Variants in CECR2 observed in about 807,000 individuals in gnomAD.
CECR2 encodes chromatin remodeling regulator CECR2.
In CECR2, 30 loss-of-function variants were observed where a neutral mutation model predicts 154.5. That is an observed-to-expected ratio of 0.19 (90% CI 0.15 to 0.26). The LOEUF is 0.26. CECR2 is among the 10% of genes least tolerant of loss of function. The pLI, the probability that CECR2 is intolerant of heterozygous loss-of-function variation, is 1.00. For synonymous variants in CECR2, 725 were observed against 683.7 expected (o/e 1.06, Z -0.94); for missense variants, 1,743 against 1,829.3 (o/e 0.95, Z 0.86).
At chr22:17,369,205 C>G (rs1251018657), upstream of CECR2, among the ~76,000 whole-genome samples, 1 of 151,850 alleles carries the variant, frequency 6.6e-6, no homozygotes, top group Non-Finnish European at 1.5e-5. Context: ...AGTGCTTCAA[C>G]TCCCCAGTCC....
rs755911186 is a variant in CECR2, at chr22:17,540,505, T to C, written c.1589T>C (p.Phe530Ser). ...GAAGATGGAGACACAGATGAAGAAT[T>C]TTGGATTCGAGAGGATGAAAAGCGG... is the stretch of plus-strand genomic sequence containing the variant. ...PGEDGDTDEE[F>S]WIREDEKREK... is the part of the protein sequence containing the mutation. The change falls in exon 14 of 19, where the codon TTT becomes TCT. Residue 530 changes from phenylalanine (F) to serine (S), a missense_variant. Phe to Ser is a radical substitution (Grantham distance 155). This residue lies in a region of CECR2 where 103 missense variants were observed against 166.8 expected (regional missense o/e 0.62). Coordinates refer to ENST00000262608, the MANE Select transcript of CECR2 (RefSeq NM_001290047.2). 1.9e-6 allele frequency: 3 copies of C among 1,610,698 alleles called. No individual in the cohort carries two copies. In the South Asian group the frequency reaches 3.3e-5, roughly 18 times the overall value.
chr22:17,428,058 T>G (rs2054358539), intron 1 of CECR2, among the ~76,000 whole-genome samples: 1 of 152,238 alleles, frequency 6.6e-6, no homozygotes. Context: ...GGTTTTGATT[T>G]GCATTTCTCT....
chr22:17,552,531 G>A (rs2056723580), intron 18 of CECR2, among the ~76,000 whole-genome samples: 1 of 151,994 alleles, frequency 6.6e-6, no homozygotes, highest in South Asian at 2.1e-4. Flanking sequence ...CCCATGCGTT[G>A]TCTCGTGCAG....
chr22:17,431,535 A>G (rs2054422345), intron 1 of CECR2, among the ~76,000 whole-genome samples: 1 of 152,210 alleles, frequency 6.6e-6, no homozygotes, highest in South Asian at 2.1e-4. Context: ...TATGGCATAA[A>G]ATTATTTGCA....
chr22:17,546,740 A>G (rs1336213539), intron 16 of CECR2, among the ~76,000 whole-genome samples: 1 of 151,692 alleles, frequency 6.6e-6, no homozygotes, highest in East Asian at 2.0e-4. Context: ...CTAGAAAGAT[A>G]ATAAAAAGAT....
At chr22:17,376,990 G>C (rs1430187785) in intron 1 of CECR2, among the ~76,000 whole-genome samples, 1 of 152,166 alleles carries the variant, frequency 6.6e-6, no homozygotes, top group African/African-American at 2.4e-5. Flanking sequence ...GGGCCCACCT[G>C]TCTTTAAGTT....
At position 17,370,374 on chromosome 22, in the gene CECR2, C is replaced by G. The variant is rs541899830; in HGVS notation, c.126+465C>G. Among the ~76,000 whole-genome samples, 960 of 148,418 alleles carry G rather than the reference C, an allele frequency of 6.5e-3. 14 individuals are homozygous for G. Among genetic ancestry groups the G allele is most frequent in the African/African-American group, 0.023 (922 of 40,398 alleles). On this transcript the variant is annotated intron_variant, in intron 1 of 18. Transcript: ENST00000262608. The stretch of plus-strand genomic sequence containing the variant: ...GACCGGGGCGGGAGTCGGCCGCGGC[C>G]GGCGGGGAGGGCTAGCCCCGCTCTG...
At position 17,461,679 on chromosome 22, in the gene CECR2, G is replaced by A. The variant is rs372052369; in HGVS notation, c.127-15909G>A. Among the ~76,000 whole-genome samples, 13 of 152,212 alleles carry A rather than the reference G, an allele frequency of 8.5e-5. No homozygotes were observed. In the East Asian group the frequency reaches 2.3e-3, roughly 27 times the overall value. On this transcript the variant is annotated intron_variant, in intron 1 of 18. Transcript: ENST00000262608. Reference sequence around the variant, plus strand: ...CCAGAATACACAGAAGTCAGTCTTCGTTCCAGATGTTTCCCATGTTTTTCC... The same window carrying A: ...CCAGAATACACAGAAGTCAGTCTTCATTCCAGATGTTTCCCATGTTTTTCC...
chr22:17,401,721 C>T (rs747509813), intron 1 of CECR2, among the ~76,000 whole-genome samples: 9 of 151,974 alleles, frequency 5.9e-5, no homozygotes, highest in Non-Finnish European at 8.8e-5. Flanking sequence ...TTGAGTGCAC[C>T]TATTGGCAAA....
At chr22:17,503,176 T>A in intron 6 of CECR2, 45 bp downstream of exon 6, 1 of 1,545,398 alleles carries the variant, frequency 6.5e-7, no homozygotes, top group East Asian at 2.3e-5. Context: ...ATAAATATGA[T>A]TCATTTATGC....
Position 17,539,071 on chromosome 22 carries a change from A to T in CECR2, c.1447A>T (p.Met483Leu). 6.2e-7 allele frequency: 1 copy of T among 1,613,982 alleles called. No individual in the cohort carries two copies. The highest frequency in any genetic ancestry group is 8.5e-7 in the Non-Finnish European group (1 of 1,179,868). The change falls in exon 13 of 19, where the codon ATG (methionine) becomes TTG (leucine). Residue 483 changes from methionine (M) to leucine (L), a missense_variant. Transcript: ENST00000262608. Reference protein sequence around the residue: ...YCTKEEFVNDMKTMFRNCRKY... With the variant: ...YCTKEEFVNDLKTMFRNCRKY... ...TACCAAGGAGGAATTTGTAAATGAC[A>T]TGAAGACCATGTTCAGGAATTGTCG...
chr22:17,461,621 T>C (rs1024255166), intron 1 of CECR2, among the ~76,000 whole-genome samples: 2 of 152,140 alleles, frequency 1.3e-5, no homozygotes, highest in Non-Finnish European at 2.9e-5. Context: ...AGCCCAAGTG[T>C]GTGAGCCCTT....
intron 1 of CECR2, among the ~76,000 whole-genome samples, chr22:17,381,894 T>TG (rs58429912): frequency 0.047 from 6,876 of 146,836 alleles, 296 homozygotes; most frequent in East Asian, 0.16. Context: ...ATTTTTTTTT[T>TG]TTGTTTTTTT....
intron 1 of CECR2, among the ~76,000 whole-genome samples, chr22:17,408,580 T>C (rs1331747474): frequency 6.6e-6 from 1 of 152,212 alleles, no homozygotes; most frequent in African/African-American, 2.4e-5. Context: ...ACCCAAGATG[T>C]TTCCGAAACA....
At chr22:17,407,324 G>A (rs572069914) in intron 1 of CECR2, among the ~76,000 whole-genome samples, 58 of 152,320 alleles carry the variant, frequency 3.8e-4, no homozygotes, top group East Asian at 1.4e-3. Flanking sequence ...GGCCGGGTGC[G>A]GTGGCTCACG....
chr22:17,410,117 G>T (rs1051865166), intron 1 of CECR2, among the ~76,000 whole-genome samples: 1 of 151,376 alleles, frequency 6.6e-6, no homozygotes, highest in African/African-American at 2.4e-5. Context: ...GAGTAGCTGA[G>T]ATTACAGGCA....
intron 1 of CECR2, among the ~76,000 whole-genome samples, chr22:17,379,626 T>TGTGTGTGTGTGTGTGTG (rs1555899704): frequency 1.1e-5 from 1 of 93,582 alleles, no homozygotes. Context: ...GTGTGTGTGT[T>TGTGTGTGTGTGTGTGTG]TGCGATATAT....
chr22:17,375,790 A>G (rs1011360531), intron 1 of CECR2, among the ~76,000 whole-genome samples: 2 of 151,976 alleles, frequency 1.3e-5, no homozygotes, highest in African/African-American at 4.8e-5. Context: ...CCCCGTCTCT[A>G]CTAAAAGTAC....
At chr22:17,455,130 AG>A (rs2054833496) in intron 1 of CECR2, among the ~76,000 whole-genome samples, 1 of 152,264 alleles carries the variant, frequency 6.6e-6, no homozygotes, top group African/African-American at 2.4e-5. Flanking sequence ...ATGCTGAGAA[AG>A]GTAAAAACAC....
Sources: allele counts gnomAD v4.1 joint callset (sites outside exome capture counted in the v4.1 genomes callset), GRCh38; gene constraint gnomAD v4.1.1; regional missense constraint gnomAD v4.1.1; transcripts MANE v1.5; gene names NCBI Gene and HGNC (gene_info 2026-07-23, HGNC 2026-07-21).